Variants in SPAG11A observed in about 807,000 individuals in gnomAD.
SPAG11A encodes sperm associated antigen 11A.
In SPAG11A, 2 loss-of-function variants were observed where a neutral mutation model predicts 5.5. That is an observed-to-expected ratio of 0.37 (90% CI 0.15 to 1.15). SPAG11A has a LOEUF of 1.15. Ranked by LOEUF, SPAG11A falls within the 50% of genes most tolerant of loss-of-function variation. The pLI, the probability that SPAG11A is intolerant of heterozygous loss-of-function variation, is 0.38. For synonymous variants in SPAG11A, 11 were observed against 42.7 expected, an observed-to-expected ratio of 0.26 and a Z score of 2.90; for missense variants, 24 against 122.5, an observed-to-expected ratio of 0.20 and a Z score of 3.80.
At chr8:7,858,036 T>C (rs1291965271) in intron 2 of SPAG11A, among the ~76,000 whole-genome samples, 2 of 105,266 alleles carry the variant, frequency 1.9e-5, no homozygotes, top group African/African-American at 5.6e-5. Flanking sequence ...GAATGATATC[T>C]AGAGTCTGCT....
rs181303280 is a variant in SPAG11A at position 7,860,571 on chromosome 8, G to A, written c.215-75G>A. ...GCCTTGTCAGAATATATAACCCTTG[G>A]CAGTGGGCTGGGTTCATCTTCTATT... On this transcript the variant is annotated intron_variant, in intron 2 of 2. Coordinates refer to ENST00000642566, the Ensembl canonical transcript of SPAG11A. The A allele has an allele frequency of 1.5e-3, 2,136 of 1,382,712 alleles. 156 individuals carry two copies. The African/African-American group carries it at 0.027, about 18-fold the overall frequency. The allele number at this position is 1,382,712 out of a possible 1,614,324, so 85.7% of individuals were successfully genotyped here.
intron 2 of SPAG11A, among the ~76,000 whole-genome samples, chr8:7,857,462 T>TAA (rs1563459420): frequency 2.7e-5 from 2 of 74,186 alleles, no homozygotes; most frequent in East Asian, 4.3e-4. Flanking sequence ...TTTTTTTTTT[T>TAA]TGAGAGATTT....
chr8:7,849,404 TG>T, intron 2 of SPAG11A, among the ~76,000 whole-genome samples: 1 of 140,486 alleles, frequency 7.1e-6, no homozygotes, highest in Non-Finnish European at 1.6e-5. Flanking sequence ...GCCAGGCTTC[TG>T]GTCAGCCCCC....
downstream of SPAG11A, among the ~76,000 whole-genome samples, chr8:7,862,636 G>A (rs1818251026): frequency 3.2e-5 from 1 of 31,130 alleles, no homozygotes; most frequent in African/African-American, 5.7e-5. Flanking sequence ...GGAAGTGTTT[G>A]TCCACTTGTA....
intron 2 of SPAG11A, among the ~76,000 whole-genome samples, chr8:7,858,619 C>T (rs1435708122): frequency 5.8e-5 from 5 of 86,222 alleles, no homozygotes; most frequent in African/African-American, 1.6e-4. Context: ...GGTTCATCCA[C>T]GTTGTTGTAC....
At chr8:7,862,655 T>TA (rs56328269), downstream of SPAG11A, among the ~76,000 whole-genome samples, 1 of 10,806 alleles carries the variant, frequency 9.3e-5, no homozygotes, top group African/African-American at 1.1e-4. Flanking sequence ...TAAGGCATGG[T>TA]AAAAAAACTA....
exon 3 of SPAG11A, chr8:7,860,815 T>C (rs1272306750): frequency 7.3e-7 from 1 of 1,370,942 alleles, no homozygotes; most frequent in Non-Finnish European, 9.7e-7. Context: ...CAGAGATGGA[T>C]GGCAGATCTG....
chr8:7,862,744 GA>G (rs1222181565), downstream of SPAG11A, among the ~76,000 whole-genome samples: 7 of 126,712 alleles, frequency 5.5e-5, no homozygotes, highest in African/African-American at 1.9e-4. Flanking sequence ...ACACGGAAGG[GA>G]AGGGAAGGGA....
Position 7,860,739 on chromosome 8 carries a change from A to G in SPAG11A, c.308A>G (p.Asp103Gly), listed in dbSNP as rs529570891. 19 of 1,401,030 alleles carry G rather than the reference A, an allele frequency of 1.4e-5. 4 individuals carry two copies. The highest frequency in any genetic ancestry group is 1.3e-4 in the East Asian group (4 of 31,810). 86.8% of individuals were successfully genotyped at this position (1,401,030 alleles called of 1,614,324 possible). Residue 103 changes from aspartate to glycine, a missense_variant, in exon 3 of 3, where the codon GAC becomes GGC. Asp to Gly is a moderately conservative substitution (Grantham distance 94, BLOSUM62 -1). This residue lies in a region of SPAG11A where 6 missense variants were observed against 54.7 expected (regional missense o/e 0.11). Transcript: ENST00000642566. ...TGCCATTCTGGTGAGAAAAAGCGTGACATTAGCTCTGATCCCTGGAATAGG... is the reference window on the plus strand; with the variant it reads ...TGCCATTCTGGTGAGAAAAAGCGTGGCATTAGCTCTGATCCCTGGAATAGG...
intron 2 of SPAG11A, chr8:7,860,360 C>G (rs753754431): frequency 7.0e-7 from 1 of 1,430,334 alleles, no homozygotes; most frequent in Non-Finnish European, 9.5e-7. Flanking sequence ...ACATCTCTCA[C>G]CAGGAGGCTC....
chr8:7,856,600 C>CT (rs1818037627), intron 2 of SPAG11A, among the ~76,000 whole-genome samples: 1 of 33,348 alleles, frequency 3.0e-5, no homozygotes, highest in Admixed American at 3.4e-4. Flanking sequence ...TGTTGTTTGT[C>CT]TTTTTGTTGT....
At chr8:7,860,565 C>A in intron 2 of SPAG11A, 81 bp from the exon 3 acceptor site, 1 of 1,380,636 alleles carries the variant, frequency 7.2e-7, no homozygotes, top group Non-Finnish European at 9.7e-7. Context: ...GAATATATAA[C>A]CCTTGGCAGT....
downstream of SPAG11A, chr8:7,863,454 G>T (rs750577862): frequency 3.8e-6 from 6 of 1,567,976 alleles, no homozygotes; most frequent in African/African-American, 8.3e-5. Flanking sequence ...AATCAGCAGG[G>T]ATATTTATTG....
intron 2 of SPAG11A, among the ~76,000 whole-genome samples, chr8:7,852,465 C>G (rs1817962472): frequency 6.6e-6 from 1 of 152,152 alleles, no homozygotes; most frequent in South Asian, 2.1e-4. Context: ...TCCTAAGTAG[C>G]TGGGATTACA....
intron 2 of SPAG11A, among the ~76,000 whole-genome samples, chr8:7,852,926 G>T: frequency 2.2e-5 from 1 of 46,016 alleles, no homozygotes; most frequent in African/African-American, 5.3e-5. Context: ...TTTTTAAATA[G>T]TCTTATATTT....
chr8:7,852,530 T>G, intron 2 of SPAG11A, among the ~76,000 whole-genome samples: 1 of 152,160 alleles, frequency 6.6e-6, no homozygotes, highest in East Asian at 1.9e-4. Flanking sequence ...ACGGGGTTTC[T>G]CCATGTTGAT....
chr8:7,860,618 T>C, intron 2 of SPAG11A, 28 bp from the exon 3 acceptor site: 1 of 1,410,910 alleles, frequency 7.1e-7, no homozygotes, highest in Admixed American at 1.9e-5. Context: ...ATGAGTTAAA[T>C]GTCAACTCTC....
At chr8:7,859,955 A>T (rs1585710891) in intron 2 of SPAG11A, among the ~76,000 whole-genome samples, 1 of 148,480 alleles carries the variant, frequency 6.7e-6, no homozygotes, top group African/African-American at 2.5e-5. Context: ...CAGGGATTAG[A>T]CCCCGTTTGG....
exon 3 of SPAG11A, chr8:7,860,652 T>A (rs1403362259): frequency 6.9e-7 from 1 of 1,452,604 alleles, no homozygotes; most frequent in Non-Finnish European, 9.3e-7. Context: ...ATAGGGGATG[T>A]TCCACTGGGA....
Sources: gnomAD v4.1 joint callset for allele counts (sites outside exome capture counted in the v4.1 genomes callset) on GRCh38, gnomAD v4.1.1 for gene constraint, gnomAD v4.1.1 regional missense constraint, MANE v1.5 for transcripts, NCBI Gene and HGNC (gene_info 2026-07-23, HGNC 2026-07-21) for gene names.